Variants in CLIC5 observed in about 807,000 individuals in gnomAD.
CLIC5 encodes the protein CLIC family member 5.
Under a neutral mutation model 24.7 loss-of-function variants are expected in CLIC5, and 20 were observed. That is an observed-to-expected ratio of 0.81 (90% CI 0.57 to 1.18). The LOEUF (loss-of-function observed/expected upper bound fraction) is 1.18. Ranked by LOEUF, CLIC5 falls within the 50% of genes most tolerant of loss-of-function variation. CLIC5 has a pLI of 0.00. For synonymous variants in CLIC5, 159 were observed against 135.6 expected (o/e 1.17, Z -1.20); for missense variants, 341 against 326.1 (o/e 1.05, Z -0.35).
intron 1 of CLIC5, among the ~76,000 whole-genome samples, chr6:46,005,619 G>A (rs12197310): frequency 0.3 from 45,675 of 152,034 alleles, 7,466 homozygotes; most frequent in Middle Eastern, 0.45. Flanking sequence ...TGCTAGATCT[G>A]AATGTTTGTG....
the CLIC5 span, among the ~76,000 whole-genome samples, chr6:46,118,127 T>C: frequency 6.6e-6 from 1 of 152,220 alleles, no homozygotes; most frequent in Non-Finnish European, 1.5e-5. Flanking sequence ...GGGATGTCTC[T>C]CTTCTTCTTA....
chr6:45,895,027 G>C (rs1762381684), downstream of CLIC5, among the ~76,000 whole-genome samples: 1 of 152,036 alleles, frequency 6.6e-6, no homozygotes, highest in Non-Finnish European at 1.5e-5. Flanking sequence ...TAAAAAAAAA[G>C]TATTCATATT....
the CLIC5 span, among the ~76,000 whole-genome samples, chr6:46,086,880 C>T: frequency 6.6e-6 from 1 of 152,134 alleles, no homozygotes; most frequent in African/African-American, 2.4e-5. Context: ...TGTGCACATG[C>T]CACTCTCCCA....
chr6:46,025,949 C>A (rs1767320158), intron 1 of CLIC5, among the ~76,000 whole-genome samples: 1 of 152,124 alleles, frequency 6.6e-6, no homozygotes, highest in African/African-American at 2.4e-5. Flanking sequence ...TTGTGAGTTT[C>A]CTGAGGCCTC....
At chr6:46,003,186 C>T (rs1036003163) in intron 1 of CLIC5, among the ~76,000 whole-genome samples, 1 of 152,162 alleles carries the variant, frequency 6.6e-6, no homozygotes, top group Non-Finnish European at 1.5e-5. Flanking sequence ...TAGCAGTTAG[C>T]CACTGTTGCT....
intron 1 of CLIC5, among the ~76,000 whole-genome samples, chr6:46,044,945 A>AG (rs1343853781): frequency 6.6e-6 from 1 of 152,186 alleles, no homozygotes. Context: ...CCTGTGTTTG[A>AG]GGCCTTCATT....
At chr6:45,885,664 C>T (rs371806111) in intron 6 of CLIC5, among the ~76,000 whole-genome samples, 89 of 152,222 alleles carry the variant, frequency 5.8e-4, no homozygotes, top group Admixed American at 1.1e-3. Flanking sequence ...AATCTCATTT[C>T]GGTGAAAAGG....
chr6:45,958,750 G>A (rs4236088), intron 1 of CLIC5, among the ~76,000 whole-genome samples: 127,693 of 151,738 alleles, frequency 0.84, 54,336 homozygotes, highest in Non-Finnish European at 0.9. Flanking sequence ...CTCCATATAT[G>A]ATGAGCTTGG....
chr6:45,880,976 G>C (rs543424191), downstream of CLIC5: 12 of 394,876 alleles, frequency 3.0e-5, no homozygotes, highest in Admixed American at 5.3e-4. Context: ...GAGGGAATGG[G>C]GGGACGGGTG....
At chr6:45,979,688 C>CTATTTAAAAAACGTTGATGGCATTGT (rs139653791) in intron 1 of CLIC5, among the ~76,000 whole-genome samples, 39,556 of 151,450 alleles carry the variant, frequency 0.26, 6,397 homozygotes, top group Middle Eastern at 0.41. Context: ...ACTGCATTTT[C>CTATTTAAAAAACGTTGATGGCATTGT]TATTTAAAAA....
chr6:46,100,726 G>A, the CLIC5 span, among the ~76,000 whole-genome samples: 2 of 152,038 alleles, frequency 1.3e-5, no homozygotes, highest in African/African-American at 4.8e-5. Context: ...GAATTATAGG[G>A]GCCAAGGGAA....
intron 1 of CLIC5, among the ~76,000 whole-genome samples, chr6:45,969,339 T>C (rs1353872852): frequency 1.3e-5 from 2 of 152,170 alleles, no homozygotes; most frequent in Non-Finnish European, 2.9e-5. Flanking sequence ...GGGCTCTGCC[T>C]TCTCACAACT....
intron 1 of CLIC5, among the ~76,000 whole-genome samples, chr6:46,072,077 C>T (rs1214243629): frequency 2.0e-5 from 3 of 151,754 alleles, no homozygotes; most frequent in East Asian, 1.9e-4. Flanking sequence ...CACACTGGGG[C>T]CTATCGGAGG....
upstream of CLIC5, among the ~76,000 whole-genome samples, chr6:46,083,871 G>A (rs528469164): frequency 2.0e-5 from 3 of 152,100 alleles, no homozygotes. Flanking sequence ...TGTTGACAGT[G>A]GGGTGTTAAA....
At position 45,901,050 on chromosome 6, in the gene CLIC5, T is replaced by C. The variant is rs975275442; in HGVS notation, c.*2038A>G. The C allele has an allele frequency of 1.2e-4, 18 of 152,314 alleles. No homozygotes were observed. The highest frequency in any genetic ancestry group is 4.3e-4 in the African/African-American group (18 of 41,552). The allele number at this position is 152,314 out of a possible 1,614,324, so 9.4% of individuals were successfully genotyped here. ...AAGTAAACTGCCTCTTAGGTCATCCTGCCTGTGCTGTAAATTCGGGGAAGG... is the reference window on the plus strand; with the variant it reads ...AAGTAAACTGCCTCTTAGGTCATCCCGCCTGTGCTGTAAATTCGGGGAAGG... On this transcript the variant is annotated 3_prime_UTR_variant, in exon 6 of 6. Coordinates refer to ENST00000339561, the MANE Select transcript of CLIC5 (RefSeq NM_016929.5).
chr6:45,971,344 G>A (rs550005388), intron 1 of CLIC5, among the ~76,000 whole-genome samples: 1 of 152,238 alleles, frequency 6.6e-6, no homozygotes, highest in East Asian at 1.9e-4. Context: ...TAGTTTGAAG[G>A]TGCCGAACAG....
chr6:45,972,309 C>A (rs576658350), intron 1 of CLIC5, among the ~76,000 whole-genome samples: 2 of 152,194 alleles, frequency 1.3e-5, no homozygotes, highest in African/African-American at 2.4e-5. Context: ...ACCTACTTCA[C>A]GAGTTCTCTG....
intron 4 of CLIC5, among the ~76,000 whole-genome samples, chr6:45,931,680 A>G (rs1763741814): frequency 6.6e-6 from 1 of 152,140 alleles, no homozygotes; most frequent in African/African-American, 2.4e-5. Context: ...TGTTTTTGAG[A>G]TGGAATCTTG....
At chr6:45,911,467 G>T (rs1179826666) in intron 5 of CLIC5, among the ~76,000 whole-genome samples, 2 of 152,158 alleles carry the variant, frequency 1.3e-5, no homozygotes, top group Admixed American at 1.3e-4. Flanking sequence ...TTGAGAAGAG[G>T]CTGTCTTGGC....
Sources: gnomAD v4.1 joint callset for allele counts (sites outside exome capture counted in the v4.1 genomes callset) on GRCh38, gnomAD v4.1.1 for gene constraint, MANE v1.5 for transcripts, NCBI Gene and HGNC (gene_info 2026-07-23, HGNC 2026-07-21) for gene names.